TBKBP1: variants seen among roughly 807,000 people sequenced by gnomAD.
The protein encoded by TBKBP1 is TBK1 binding protein 1.
In TBKBP1, 47 loss-of-function variants were observed where a neutral mutation model predicts 69.9. That is an observed-to-expected ratio of 0.67 (90% CI 0.53 to 0.86). The LOEUF (loss-of-function observed/expected upper bound fraction) is 0.86, where lower values mean the gene tolerates loss of function less well. Among genes scored for constraint, TBKBP1 ranks in the 40% least tolerant of loss-of-function variants. TBKBP1 has a pLI of 0.00. For synonymous variants in TBKBP1, 418 were observed against 390.3 expected (o/e 1.07, Z -0.84); for missense variants, 831 against 858.6 (o/e 0.97, Z 0.40).
At position 47,698,795 on chromosome 17, in the gene TBKBP1, G is replaced by A. The variant is rs772725606; in HGVS notation, c.634+20G>A. The A allele has an allele frequency of 1.8e-5, 28 of 1,522,082 alleles. No individual in the cohort carries two copies. The South Asian group carries it at 2.9e-4, about 16-fold the overall frequency. 94.3% of individuals were successfully genotyped at this position (1,522,082 alleles called of 1,614,324 possible). On this transcript the variant is annotated intron_variant, in intron 5 of 9. Coordinates refer to ENST00000578982, the MANE Select transcript of TBKBP1 (RefSeq NM_001394755.1). The stretch of plus-strand genomic sequence containing the variant: ...GTCATGGTGAGATCTCAGTGACCCC[G>A]ACTTACCTCCTAGTCCCCAACCCCC...
At chr17:47,698,490 T>C in intron 4 of TBKBP1, 105 bp from the exon 5 acceptor site, 2 of 1,216,042 alleles carry the variant, frequency 1.6e-6, no homozygotes, top group Non-Finnish European at 2.2e-6. Context: ...AGAGTGGGCT[T>C]GGGATGTGTG....
At chr17:47,707,849 C>T (rs2031749896) in intron 7 of TBKBP1, among the ~76,000 whole-genome samples, 1 of 152,220 alleles carries the variant, frequency 6.6e-6, no homozygotes, top group Admixed American at 6.5e-5. Flanking sequence ...ACGAGCTATT[C>T]TATGCAGCAG....
In TBKBP1 at chr17:47,696,847, G is replaced by T. The variant is rs764924844; in HGVS notation, c.348+14G>T. 1 of 1,612,952 alleles carries T rather than the reference G, an allele frequency of 6.2e-7. No homozygotes were observed. The highest frequency in any genetic ancestry group is 1.1e-5 in the South Asian group (1 of 91,050). ...TTCCAGCATGAGGTGAGCCTACCAG[G>T]CTGGGCGCACCCCCTGAGCATCTTG... is the stretch of plus-strand genomic sequence containing the variant. On this transcript the variant is annotated intron_variant, in intron 3 of 9. Transcript: ENST00000578982.
At chr17:47,705,367 T>C (rs933987075) in intron 7 of TBKBP1, among the ~76,000 whole-genome samples, 3 of 152,170 alleles carry the variant, frequency 2.0e-5, no homozygotes, top group Admixed American at 2.0e-4. Flanking sequence ...GGCAATGCCG[T>C]AGGGTTGTTG....
intron 7 of TBKBP1, among the ~76,000 whole-genome samples, chr17:47,702,815 G>C (rs2031555898): frequency 1.3e-5 from 2 of 151,970 alleles, no homozygotes; most frequent in African/African-American, 2.4e-5. Flanking sequence ...AGCCCACCCT[G>C]CTCCTGAGGA....
chr17:47,699,529 T>G, intron 6 of TBKBP1, 34 bp downstream of exon 6: 1 of 1,604,336 alleles, frequency 6.2e-7, no homozygotes, highest in Non-Finnish European at 8.5e-7. Context: ...CTTCTGGAGG[T>G]CCAGGGCTGG....
At chr17:47,694,944 C>A (rs1005498667) in intron 1 of TBKBP1, among the ~76,000 whole-genome samples, 11 of 151,976 alleles carry the variant, frequency 7.2e-5, no homozygotes, top group African/African-American at 2.7e-4. Context: ...ACCCCAAGCT[C>A]CTGCAGCCCG....
intron 7 of TBKBP1, 91 bp downstream of exon 7, chr17:47,699,788 C>G: frequency 2.8e-6 from 4 of 1,446,338 alleles, no homozygotes; most frequent in Admixed American, 3.4e-5. Flanking sequence ...GCTGCTGTTG[C>G]TCTGTGTGCA....
intron 3 of TBKBP1, 63 bp from the exon 4 acceptor site, chr17:47,697,026 C>T: frequency 6.5e-7 from 1 of 1,543,758 alleles, no homozygotes; most frequent in Non-Finnish European, 8.8e-7. Flanking sequence ...GTGCAGGGAG[C>T]TCTCCAACTC....
intron 7 of TBKBP1, among the ~76,000 whole-genome samples, chr17:47,706,477 A>G (rs1054378974): frequency 1.3e-5 from 2 of 152,106 alleles, no homozygotes; most frequent in African/African-American, 4.8e-5. Flanking sequence ...AACAAAAACA[A>G]GGGCTGAGAT....
rs929711679 is a variant in TBKBP1 at position 47,710,976 on chromosome 17, G to T, written c.*350G>T. 2 of 188,120 alleles carry T rather than the reference G, an allele frequency of 1.1e-5. No individual in the cohort carries two copies. The highest frequency in any genetic ancestry group is 5.9e-5 in the Admixed American group (1 of 17,050). 11.7% of individuals were successfully genotyped at this position (188,120 alleles called of 1,614,324 possible). A position where few individuals can be genotyped will look rare whatever the true frequency, so the allele number is the denominator to read the frequency against. On this transcript the variant is annotated 3_prime_UTR_variant, in exon 10 of 10. Coordinates refer to ENST00000578982, the MANE Select transcript of TBKBP1 (RefSeq NM_001394755.1). ...GGTGTCCAGTGCTTGGGCCTGGGGTGGGGGGAAGGTGTTAGAGGACTCCAG... is the reference window on the plus strand; with the variant it reads ...GGTGTCCAGTGCTTGGGCCTGGGGTTGGGGGAAGGTGTTAGAGGACTCCAG...
Position 47,709,292 on chromosome 17 carries a change from CG to C in TBKBP1, c.1560del (p.Ser521ArgfsTer55). On this transcript the variant is annotated frameshift_variant, in exon 9 of 10. Coordinates refer to ENST00000578982, the MANE Select transcript of TBKBP1 (RefSeq NM_001394755.1). LOFTEE classifies it high-confidence loss of function. ...ATCCGGCTGCGCTTCGAGAAGCAGC[CG>C]TCGGAGGAGGACGAGTGGGCTGTGC... ...EGIRLRFEKQPSEEDEWAVPT... is the reference protein window; with the variant it reads ...EGIRLRFEKQXSEEDEWAVPT... The C allele has an allele frequency of 6.5e-7, 1 of 1,527,442 alleles. No homozygotes were observed. The highest frequency in any genetic ancestry group is 8.7e-7 in the Non-Finnish European group (1 of 1,145,126). 94.6% of individuals were successfully genotyped at this position (1,527,442 alleles called of 1,614,324 possible).
chr17:47,698,909 C>G lies in TBKBP1; in HGVS notation c.634+134C>G. On this transcript the variant is annotated intron_variant, in intron 5 of 9. Coordinates refer to ENST00000578982, the MANE Select transcript of TBKBP1 (RefSeq NM_001394755.1). ...CCATAATCATCCCATCCTCCCTTAC[C>G]TGCTGTCCCCTCACCTCACCCACTG... 1.7e-5 allele frequency: 15 copies of G among 894,030 alleles called. 1 individual carries two copies. The South Asian group carries it at 2.8e-4, about 17-fold the overall frequency. The allele number at this position is 894,030 out of a possible 1,614,324, so 55.4% of individuals were successfully genotyped here. A position where few individuals can be genotyped will look rare whatever the true frequency, so the allele number is the denominator to read the frequency against.
chr17:47,696,944 GC>G, intron 3 of TBKBP1, 111 bp downstream of exon 3: 2 of 1,533,154 alleles, frequency 1.3e-6, no homozygotes, highest in Non-Finnish European at 1.8e-6. Context: ...ATTAGAGATG[GC>G]CAGGTCCTCC....
At chr17:47,698,549 G>T (rs1597956430) in intron 4 of TBKBP1, 46 bp from the exon 5 acceptor site, 2 of 1,514,536 alleles carry the variant, frequency 1.3e-6, no homozygotes, top group Non-Finnish European at 1.8e-6. Flanking sequence ...CAGACATGGG[G>T]AAGTCCTGGG....
chr17:47,707,724 C>T (rs2031744886), intron 7 of TBKBP1, among the ~76,000 whole-genome samples: 1 of 152,136 alleles, frequency 6.6e-6, no homozygotes, highest in African/African-American at 2.4e-5. Flanking sequence ...CTGAAAAGAG[C>T]CCAGAGGCAG....
At chr17:47,705,902 C>T (rs2031680373) in intron 7 of TBKBP1, among the ~76,000 whole-genome samples, 2 of 152,196 alleles carry the variant, frequency 1.3e-5, no homozygotes, top group Non-Finnish European at 2.9e-5. Flanking sequence ...CCACCTGCCT[C>T]AGGCCCCAGG....
intron 4 of TBKBP1, 72 bp downstream of exon 4, chr17:47,697,265 CTG>C (rs1350257758): frequency 5.9e-6 from 8 of 1,354,538 alleles, no homozygotes; most frequent in South Asian, 2.5e-5. Flanking sequence ...GCATTTAGTT[CTG>C]TGTGTGAGGA....
intron 7 of TBKBP1, among the ~76,000 whole-genome samples, chr17:47,701,470 C>T (rs191666216): frequency 1.3e-5 from 2 of 152,326 alleles, no homozygotes; most frequent in African/African-American, 4.8e-5. Context: ...CCAGTCCCCT[C>T]TTACCAGACC....
Sources: gnomAD v4.1 joint callset for allele counts (sites outside exome capture counted in the v4.1 genomes callset) on GRCh38, gnomAD v4.1.1 for gene constraint, MANE v1.5 for transcripts, NCBI Gene and HGNC (gene_info 2026-07-23, HGNC 2026-07-21) for gene names.